Variants in DNAH10 observed in about 807,000 individuals in gnomAD.
DNAH10 encodes dynein axonemal heavy chain 10, also known as axonemal beta dynein heavy chain 10.
A neutral mutation model predicts 506.6 loss-of-function variants in DNAH10; 348 were observed. The ratio of observed to expected loss-of-function variants is 0.69; its 90% CI spans 0.63 to 0.75. The LOEUF (loss-of-function observed/expected upper bound fraction) is 0.75, where lower values mean the gene tolerates loss of function less well. DNAH10 is among the 30% of genes least tolerant of loss of function. The probability of loss-of-function intolerance (pLI) is 0.00; values close to 1 mark genes in which losing one functional copy is unlikely to be tolerated. For synonymous variants in DNAH10, 2,059 were observed against 2,198.6 expected (o/e 0.94, Z 1.78); for missense variants, 5,179 against 5,787.1 (o/e 0.89, Z 3.41).
Position 123,913,033 on chromosome 12 carries a change from G to C in DNAH10, c.10135-65G>C. On this transcript the variant is annotated intron_variant, in intron 59 of 78. Transcript: ENST00000673944. The surrounding 1 kb of genome is among the most constrained non-coding windows in gnomAD (Gnocchi z 5.1). ...AGTTTAGACATGTGGCCTGGTTTGA[G>C]GCCATGGGATCGCGGCCCCACCACG... 1 of 1,482,702 alleles carries C rather than the reference G, an allele frequency of 6.7e-7. No homozygotes were observed. Among genetic ancestry groups the C allele is most frequent in the Non-Finnish European group, 9.2e-7 (1 of 1,091,562 alleles). 91.8% of individuals were successfully genotyped at this position (1,482,702 alleles called of 1,614,324 possible).
intron 52 of DNAH10, 116 bp downstream of exon 52, chr12:123,887,429 C>T: frequency 3.3e-6 from 4 of 1,223,624 alleles, no homozygotes; most frequent in Non-Finnish European, 4.4e-6. Flanking sequence ...GCGGGTGTAC[C>T]TGTTCCTCCC....
At chr12:123,767,236 A>T (rs11057348) in intron 1 of DNAH10, among the ~76,000 whole-genome samples, 1 of 152,186 alleles carries the variant, frequency 6.6e-6, no homozygotes, top group East Asian at 1.9e-4. Flanking sequence ...GTGGTAACAT[A>T]CACACGGCCT....
chr12:123,892,172 G>T (rs541423719), intron 52 of DNAH10, among the ~76,000 whole-genome samples: 3 of 152,336 alleles, frequency 2.0e-5, no homozygotes, highest in South Asian at 2.1e-4. Context: ...CCTTAGACTG[G>T]TTTTTTATAA....
intron 37 of DNAH10, among the ~76,000 whole-genome samples, chr12:123,858,066 A>G (rs578035481): frequency 5.9e-5 from 9 of 152,232 alleles, no homozygotes; most frequent in Non-Finnish European, 1.3e-4. Context: ...AATTTTATAT[A>G]TATAGTTTTT....
At position 123,917,889 on chromosome 12, in the gene DNAH10, G is replaced by A; in HGVS notation, c.11232+76G>A. Reference sequence around the variant, plus strand: ...CGTTGGAGCGTCCATTTCTCTGTCTGCTCAATGAGAAAATGGGGCTCTGTG... The same window carrying A: ...CGTTGGAGCGTCCATTTCTCTGTCTACTCAATGAGAAAATGGGGCTCTGTG... On this transcript the variant is annotated intron_variant, in intron 64 of 78. Transcript: ENST00000673944. The surrounding 1 kb of genome is among the most constrained non-coding windows in gnomAD (Gnocchi z 5.6). 6.9e-7 allele frequency: 1 copy of A among 1,453,080 alleles called. No homozygotes were observed. The highest frequency in any genetic ancestry group is 1.3e-5 in the South Asian group (1 of 78,620). 90.0% of individuals were successfully genotyped at this position (1,453,080 alleles called of 1,614,324 possible).
intron 15 of DNAH10, among the ~76,000 whole-genome samples, chr12:123,801,080 A>T (rs1349589584): frequency 6.6e-6 from 1 of 152,218 alleles, no homozygotes; most frequent in Non-Finnish European, 1.5e-5. Context: ...TGTAATATAA[A>T]TAACATCTTT....
intron 47 of DNAH10, among the ~76,000 whole-genome samples, chr12:123,876,104 G>C (rs1952244949): frequency 6.6e-6 from 1 of 152,130 alleles, no homozygotes; most frequent in South Asian, 2.1e-4. Context: ...TGCTAAAGCG[G>C]AGTCTGCACA....
chr12:123,825,238 A>G (rs1959846527), intron 24 of DNAH10, among the ~76,000 whole-genome samples: 1 of 151,858 alleles, frequency 6.6e-6, no homozygotes, highest in South Asian at 2.1e-4. Flanking sequence ...CAAGAAAAAA[A>G]TCAATGGAGT....
At chr12:123,884,412 G>A (rs116332281) in intron 51 of DNAH10, among the ~76,000 whole-genome samples, 1,759 of 152,294 alleles carry the variant, frequency 0.012, 36 homozygotes, top group African/African-American at 0.04. Context: ...TGGCTGGCTC[G>A]TGGACAGCAG....
Position 123,903,810 on chromosome 12 carries a change from A to G in DNAH10, c.9815+697A>G, listed in dbSNP as rs1953644995. Among the ~76,000 whole-genome samples the G allele has an allele frequency of 3.3e-5, 5 of 152,126 alleles. No individual in the cohort carries two copies. The highest frequency in any genetic ancestry group is 2.6e-4 in the Admixed American group (4 of 15,276). The stretch of plus-strand genomic sequence containing the variant: ...ACTGTCCTGGTGCCAGCCTCCGCCC[A>G]CTGCCTCTGCCCCTGTGCTGCCTGG... On this transcript the variant is annotated intron_variant, in intron 57 of 78. Transcript: ENST00000673944. This position sits in a 1 kb window ranked among gnomAD's most constrained non-coding sequence, Gnocchi z 4.6.
At chr12:123,817,409 ACT>A (rs901666952) in intron 21 of DNAH10, among the ~76,000 whole-genome samples, 3 of 151,696 alleles carry the variant, frequency 2.0e-5, no homozygotes, top group African/African-American at 7.3e-5. Context: ...TTATTCTAAT[ACT>A]TTGTCCTAAA....
intron 44 of DNAH10, among the ~76,000 whole-genome samples, chr12:123,871,229 C>T (rs1291251403): frequency 1.3e-5 from 2 of 152,204 alleles, no homozygotes; most frequent in Non-Finnish European, 2.9e-5. Context: ...ATCTCAAAAC[C>T]GGCTTGGGCG....
chr12:123,901,480 C>T (rs1207044765), intron 56 of DNAH10, among the ~76,000 whole-genome samples: 1 of 152,172 alleles, frequency 6.6e-6, no homozygotes, highest in African/African-American at 2.4e-5. Context: ...GCTGCAAGTG[C>T]CAGTGCTGGC....
intron 1 of DNAH10, among the ~76,000 whole-genome samples, chr12:123,765,672 T>TTATC (rs919511967): frequency 4.6e-5 from 7 of 151,918 alleles, no homozygotes; most frequent in Non-Finnish European, 7.4e-5. Context: ...TCTCTCTCTA[T>TTATC]TATCTATCTA....
rs770597039 is a variant in DNAH10, at chr12:123,913,292, G to A, written c.10329G>A (p.Ser3443=). 44 of 1,601,258 alleles carry A rather than the reference G, an allele frequency of 2.7e-5. No homozygotes were observed. The highest frequency in any genetic ancestry group is 5.6e-5 in the South Asian group (5 of 88,836). The change falls in exon 60 of 79, where the codon TCG becomes TCA. Residue 3443 remains serine, a synonymous_variant. Coordinates refer to ENST00000673944, the MANE Select transcript of DNAH10 (RefSeq NM_001372106.1). This position sits in a 1 kb window ranked among gnomAD's most constrained non-coding sequence, Gnocchi z 5.1. ...TGATTGCCGCAGACAAACTCATCTCGGGTCTGGGGTCAGAAAACATCAGGT... is the reference window on the plus strand; with the variant it reads ...TGATTGCCGCAGACAAACTCATCTCAGGTCTGGGGTCAGAAAACATCAGGT... ...RRLIAADKLI[S]GLGSENIRWL...
intron 24 of DNAH10, among the ~76,000 whole-genome samples, chr12:123,822,096 GCT>G (rs1479932222): frequency 6.6e-6 from 1 of 152,164 alleles, no homozygotes; most frequent in African/African-American, 2.4e-5. Context: ...GATCCCAGCT[GCT>G]TGGGAGGCTA....
chr12:123,838,760 T>A, intron 29 of DNAH10, 71 bp downstream of exon 29: 1 of 1,414,804 alleles, frequency 7.1e-7, no homozygotes, highest in South Asian at 1.2e-5. Context: ...CCTGGTTCCC[T>A]TTGCCATGAG....
At chr12:123,882,415 T>G (rs1337466492) in intron 51 of DNAH10, among the ~76,000 whole-genome samples, 1 of 152,184 alleles carries the variant, frequency 6.6e-6, no homozygotes, top group Non-Finnish European at 1.5e-5. Context: ...GACCATACAA[T>G]CCACACATTC....
In DNAH10 at chr12:123,909,158, A is replaced by G; in HGVS notation, c.9816-103A>G. On this transcript the variant is annotated intron_variant, in intron 57 of 78. Transcript: ENST00000673944. The surrounding 1 kb of genome is among the most constrained non-coding windows in gnomAD (Gnocchi z 5.4). Reference sequence around the variant, plus strand: ...TTCGTTTGCTTGCAGCAGTAGCTCCAGGGACTGTCTTTTGGTTGAGCTCGT... The same window carrying G: ...TTCGTTTGCTTGCAGCAGTAGCTCCGGGGACTGTCTTTTGGTTGAGCTCGT... 6.9e-7 allele frequency: 1 copy of G among 1,451,348 alleles called. No homozygotes were observed. The highest frequency in any genetic ancestry group is 1.3e-5 in the South Asian group (1 of 79,256). 89.9% of individuals were successfully genotyped at this position (1,451,348 alleles called of 1,614,324 possible).
Sources: gnomAD v4.1 joint callset for allele counts (sites outside exome capture counted in the v4.1 genomes callset) on GRCh38, gnomAD v4.1.1 for gene constraint, Gnocchi (gnomAD v3.1) non-coding constraint, MANE v1.5 for transcripts, NCBI Gene and HGNC (gene_info 2026-07-23, HGNC 2026-07-21) for gene names.